Variants in HSD17B12 observed in about 807,000 individuals in gnomAD.
HSD17B12 encodes the protein hydroxysteroid 17-beta dehydrogenase 12.
In HSD17B12, 32 loss-of-function variants were observed where a neutral mutation model predicts 39.3. The ratio of observed to expected loss-of-function variants is 0.81; its 90% CI spans 0.61 to 1.09. HSD17B12 has a LOEUF of 1.09. Ranked by LOEUF, HSD17B12 falls within the 50% of genes least tolerant of loss-of-function variation. The pLI, the probability that HSD17B12 is intolerant of heterozygous loss-of-function variation, is 0.00. For missense variants in HSD17B12, 342 were observed against 382.9 expected (o/e 0.89, Z 0.89); for synonymous variants, 150 against 146.7 (o/e 1.02, Z -0.16).
chr11:43,563,813 G>A, the HSD17B12 span, among the ~76,000 whole-genome samples: 1 of 152,138 alleles, frequency 6.6e-6, no homozygotes, highest in Non-Finnish European at 1.5e-5. Flanking sequence ...GCAAGATCCT[G>A]TCTTTAAAAA....
chr11:43,655,359 A>T, the HSD17B12 span, among the ~76,000 whole-genome samples: 252 of 152,310 alleles, frequency 1.7e-3, no homozygotes, highest in Admixed American at 2.5e-3. Context: ...AAACAGGGAC[A>T]ATTTGACTTC....
the HSD17B12 span, among the ~76,000 whole-genome samples, chr11:43,574,132 G>A: frequency 6.6e-6 from 1 of 152,218 alleles, no homozygotes; most frequent in South Asian, 2.1e-4. Flanking sequence ...CCTTTAGTAG[G>A]CACAGCTAAA....
At chr11:43,718,736 G>A in intron 1 of HSD17B12, 2 of 1,272,552 alleles carry the variant, frequency 1.6e-6, no homozygotes, top group East Asian at 4.6e-5. Flanking sequence ...CAAAGCAAAG[G>A]CTTTAAAGGC....
At chr11:43,821,364 A>C (rs559533540) in intron 6 of HSD17B12, among the ~76,000 whole-genome samples, 34 of 152,284 alleles carry the variant, frequency 2.2e-4, no homozygotes, top group African/African-American at 8.2e-4. Flanking sequence ...TAGAAACTCT[A>C]TATGTAGGTA....
chr11:43,745,757 G>A (rs1281126195), intron 1 of HSD17B12, among the ~76,000 whole-genome samples: 3 of 152,140 alleles, frequency 2.0e-5, no homozygotes, highest in Non-Finnish European at 4.4e-5. Context: ...AAGGGCCAAG[G>A]ATGGTGTCTT....
intron 9 of HSD17B12, chr11:43,848,471 T>A (rs1330396200): frequency 6.6e-6 from 1 of 152,224 alleles, no homozygotes; most frequent in African/African-American, 2.4e-5. Context: ...CTTATGCGTC[T>A]TATTGGATAT....
intron 1 of HSD17B12, among the ~76,000 whole-genome samples, chr11:43,724,919 A>G (rs993069377): frequency 2.0e-5 from 3 of 152,130 alleles, no homozygotes; most frequent in Admixed American, 1.3e-4. Flanking sequence ...TTAACAGTGT[A>G]TATTCATGTC....
chr11:43,658,104 C>A, the HSD17B12 span, among the ~76,000 whole-genome samples: 1 of 152,142 alleles, frequency 6.6e-6, no homozygotes, highest in Non-Finnish European at 1.5e-5. Context: ...TCTTTTTATT[C>A]TTTTTTCTCT....
At chr11:43,749,364 T>A (rs1414282295) in intron 1 of HSD17B12, among the ~76,000 whole-genome samples, 2 of 152,188 alleles carry the variant, frequency 1.3e-5, no homozygotes, top group African/African-American at 4.8e-5. Context: ...TGGCAGAATT[T>A]ATAGTGATTA....
chr11:43,714,736 T>C (rs1298476793), intron 1 of HSD17B12, among the ~76,000 whole-genome samples: 1 of 152,218 alleles, frequency 6.6e-6, no homozygotes, highest in Non-Finnish European at 1.5e-5. Flanking sequence ...TTTCATGATA[T>C]TGATTCTTCC....
intron 6 of HSD17B12, among the ~76,000 whole-genome samples, chr11:43,820,752 A>G (rs1016717857): frequency 1.3e-5 from 2 of 152,224 alleles, no homozygotes; most frequent in Non-Finnish European, 2.9e-5. Flanking sequence ...GAAGTGTTCC[A>G]GGAGAGATTG....
chr11:43,706,529 T>G (rs965943743), intron 1 of HSD17B12, among the ~76,000 whole-genome samples: 1 of 151,902 alleles, frequency 6.6e-6, no homozygotes. Flanking sequence ...GGCAACAGAG[T>G]GAGACTCTGT....
chr11:43,698,425 T>C (rs1208835372), intron 1 of HSD17B12, among the ~76,000 whole-genome samples: 1 of 152,218 alleles, frequency 6.6e-6, no homozygotes, highest in Non-Finnish European at 1.5e-5. Flanking sequence ...AGCAATGTAA[T>C]AGTTTAGGAA....
chr11:43,794,444 T>C (rs1014732614), intron 3 of HSD17B12, among the ~76,000 whole-genome samples: 3 of 152,180 alleles, frequency 2.0e-5, no homozygotes, highest in African/African-American at 7.2e-5. Context: ...GCAATAAGTT[T>C]TTAAAAAAGA....
intron 3 of HSD17B12, among the ~76,000 whole-genome samples, chr11:43,794,535 G>C (rs1313474738): frequency 6.6e-6 from 1 of 152,166 alleles, no homozygotes; most frequent in Non-Finnish European, 1.5e-5. Context: ...CATTGTGAAA[G>C]AACAGAAAAA....
intron 3 of HSD17B12, among the ~76,000 whole-genome samples, chr11:43,768,652 T>G (rs11037613): frequency 6.6e-6 from 1 of 152,236 alleles, no homozygotes; most frequent in Non-Finnish European, 1.5e-5. Context: ...CAGACCTCAC[T>G]GCGAGTGTTA....
chr11:43,834,789 A>G (rs1190239098), intron 7 of HSD17B12, among the ~76,000 whole-genome samples: 1 of 152,138 alleles, frequency 6.6e-6, no homozygotes, highest in Non-Finnish European at 1.5e-5. Flanking sequence ...AGTTGGGCGA[A>G]TTTAATGTCT....
intron 4 of HSD17B12, among the ~76,000 whole-genome samples, chr11:43,813,296 A>T (rs1951090405): frequency 6.6e-6 from 1 of 152,212 alleles, no homozygotes; most frequent in Non-Finnish European, 1.5e-5. Flanking sequence ...TTTTTAAAAA[A>T]AATGAAATCT....
chr11:43,754,573 C>T (rs565357004), intron 3 of HSD17B12, among the ~76,000 whole-genome samples: 1 of 152,262 alleles, frequency 6.6e-6, no homozygotes, highest in South Asian at 2.1e-4. Flanking sequence ...GAGACTCCAT[C>T]TCAGAAAACA....
Sources: gnomAD v4.1 joint callset for allele counts (sites outside exome capture counted in the v4.1 genomes callset) on GRCh38, gnomAD v4.1.1 for gene constraint, MANE v1.5 for transcripts, NCBI Gene and HGNC (gene_info 2026-07-23, HGNC 2026-07-21) for gene names.